Variants in SLC2A14 observed in about 807,000 individuals in gnomAD.
SLC2A14 encodes the protein solute carrier family 2, facilitated glucose transporter member 14.
In SLC2A14, 13 loss-of-function variants were observed where a neutral mutation model predicts 43.0. The observed-to-expected ratio is 0.30, with a 90% CI of 0.20 to 0.48. The LOEUF (loss-of-function observed/expected upper bound fraction) is 0.48, where lower values mean the gene tolerates loss of function less well. SLC2A14 is among the 20% of genes least tolerant of loss of function. SLC2A14 has a pLI of 0.99. For synonymous variants in SLC2A14, 190 were observed against 233.8 expected (o/e 0.81, Z 1.71); for missense variants, 428 against 620.4 (o/e 0.69, Z 3.29).
rs183179707 is a variant in SLC2A14, at chr12:7,822,449, C to T, written c.865-1124G>A. Among the ~76,000 whole-genome samples, 1,036 of 151,604 alleles carry T rather than the reference C, an allele frequency of 6.8e-3. 4 individuals are homozygous for T. The highest frequency in any genetic ancestry group is 0.02 in the Middle Eastern group (6 of 294). ...TTGGGAGGCCGAGGCGGGCAGATCACGAGGTCAGGAGATCGAGACCATCCT... is the reference window on the plus strand; with the variant it reads ...TTGGGAGGCCGAGGCGGGCAGATCATGAGGTCAGGAGATCGAGACCATCCT... On this transcript the variant is annotated intron_variant, in intron 7 of 10. Transcript: ENST00000431042.
At chr12:7,848,846 G>T (rs1054820190) in intron 2 of SLC2A14, among the ~76,000 whole-genome samples, 1 of 151,044 alleles carries the variant, frequency 6.6e-6, no homozygotes, top group Admixed American at 6.6e-5. Flanking sequence ...ATGAGCCACC[G>T]CGCCCGGCCT....
intron 2 of SLC2A14, among the ~76,000 whole-genome samples, chr12:7,864,258 C>T (rs1018986173): frequency 6.6e-6 from 1 of 152,078 alleles, no homozygotes; most frequent in Non-Finnish European, 1.5e-5. Context: ...GGGCCTTTTG[C>T]AGAGCAAAAG....
At chr12:7,864,092 A>G (rs1377482437) in intron 2 of SLC2A14, among the ~76,000 whole-genome samples, 1 of 151,984 alleles carries the variant, frequency 6.6e-6, no homozygotes, top group Non-Finnish European at 1.5e-5. Context: ...CTGGGATTAC[A>G]GGTGTCAGCC....
intron 2 of SLC2A14, among the ~76,000 whole-genome samples, chr12:7,834,331 C>A (rs1865267541): frequency 6.6e-6 from 1 of 151,956 alleles, no homozygotes; most frequent in African/African-American, 2.4e-5. Context: ...CATGCCTTAG[C>A]TCCCAAATGC....
rs1485743908 is a variant in SLC2A14, at chr12:7,833,265, G to A, written c.19-451C>T. Among the ~76,000 whole-genome samples the A allele has an allele frequency of 9.2e-5, 14 of 152,302 alleles. No individual in the cohort carries two copies. In the South Asian group the frequency reaches 2.1e-3, roughly 23 times the overall value. ...ACTCCACGGAAGCCCAGTGGTGGTGGTAGGGGGAGGTGGTAGTAGTTTGTG... is the reference window on the plus strand; with the variant it reads ...ACTCCACGGAAGCCCAGTGGTGGTGATAGGGGGAGGTGGTAGTAGTTTGTG... On this transcript the variant is annotated intron_variant, in intron 2 of 10. Transcript: ENST00000431042.
chr12:7,880,389 C>CT (rs1253017076), intron 1 of SLC2A14, among the ~76,000 whole-genome samples: 1 of 151,012 alleles, frequency 6.6e-6, no homozygotes, highest in African/African-American at 2.4e-5. Flanking sequence ...GCAGGAGAAT[C>CT]GCTTGAACCC....
At chr12:7,872,951 C>T (rs1945322398), upstream of SLC2A14, 3 of 985,470 alleles carry the variant, frequency 3.0e-6, no homozygotes, top group East Asian at 3.4e-4. Context: ...TTTGAATGGT[C>T]CGTTAATGTG....
intron 2 of SLC2A14, among the ~76,000 whole-genome samples, chr12:7,845,513 C>T (rs1866390693): frequency 6.6e-6 from 1 of 151,990 alleles, no homozygotes. Context: ...GGCGTGGTGG[C>T]TTACGCCTGT....
At chr12:7,865,440 A>G (rs1355749266) in intron 2 of SLC2A14, among the ~76,000 whole-genome samples, 1 of 151,910 alleles carries the variant, frequency 6.6e-6, no homozygotes, top group Non-Finnish European at 1.5e-5. Flanking sequence ...GGGAGGCTGA[A>G]GCAGGAGAAT....
chr12:7,875,337 A>G (rs1308495975), upstream of SLC2A14, among the ~76,000 whole-genome samples: 3 of 148,530 alleles, frequency 2.0e-5, no homozygotes, highest in Non-Finnish European at 4.5e-5. Context: ...GCAAAACCCC[A>G]TCTCTACTAA....
intron 1 of SLC2A14, among the ~76,000 whole-genome samples, chr12:7,879,316 A>AAAAAGAAAAC (rs148751409): frequency 8.2e-5 from 9 of 109,980 alleles, no homozygotes; most frequent in Admixed American, 4.2e-4. Flanking sequence ...TCTGCAAAAA[A>AAAAAGAAAAC]AAACAAACAA....
In SLC2A14 at chr12:7,872,732, G is replaced by C. The variant is rs112592516; in HGVS notation, c.-58+75C>G. 100 of 977,734 alleles carry C rather than the reference G, an allele frequency of 1.0e-4. 1 individual carries two copies. The highest frequency in any genetic ancestry group is 1.2e-4 in the Non-Finnish European group (98 of 823,140). 60.6% of individuals were successfully genotyped at this position (977,734 alleles called of 1,614,324 possible). The stretch of plus-strand genomic sequence containing the variant: ...CGAGTAGCCGCCCACCTCTACTCTA[G>C]CTCGGCCACCTCTACCCCAGCTCAG... On this transcript the variant is annotated intron_variant, in intron 1 of 10. Coordinates refer to ENST00000431042, the MANE Select transcript of SLC2A14 (RefSeq NM_001286234.2).
upstream of SLC2A14, among the ~76,000 whole-genome samples, chr12:7,874,016 C>T (rs1945364382): frequency 6.6e-6 from 1 of 152,136 alleles, no homozygotes; most frequent in African/African-American, 2.4e-5. Context: ...ATATCTCAGT[C>T]AACAATAAAC....
At position 7,827,495 on chromosome 12, in the gene SLC2A14, A is replaced by G. The variant is rs375834210; in HGVS notation, c.864T>C (p.Ala288=). The G allele has an allele frequency of 6.8e-6, 11 of 1,610,770 alleles. No homozygotes were observed. The highest frequency in any genetic ancestry group is 9.3e-6 in the Non-Finnish European group (11 of 1,179,392). ...TTTGACCCTAAAGTATCACACTCAC[A>G]GCATTGATCCCAGAGAGCTGCTGAG... ...QLSQQLSGIN[A]VFYYSTGIFK... Residue 288 remains alanine (A), a splice_region_variant and synonymous_variant, in exon 7 of 11, where the codon GCT becomes GCC. Coordinates refer to ENST00000431042, the MANE Select transcript of SLC2A14 (RefSeq NM_001286234.2).
In SLC2A14 at chr12:7,832,834, G is replaced by T; in HGVS notation, c.19-20C>A. 1 of 1,610,948 alleles carries T rather than the reference G, an allele frequency of 6.2e-7. No homozygotes were observed. The highest frequency in any genetic ancestry group is 8.5e-7 in the Non-Finnish European group (1 of 1,177,240). On this transcript the variant is annotated intron_variant, in intron 2 of 10. Coordinates refer to ENST00000431042, the MANE Select transcript of SLC2A14 (RefSeq NM_001286234.2). ...GGTGACCTGGAGAGACAGAGGACAGGGAGGAGAGAATAGTCCTTAAAACTT... is the reference window on the plus strand; with the variant it reads ...GGTGACCTGGAGAGACAGAGGACAGTGAGGAGAGAATAGTCCTTAAAACTT...
At chr12:7,873,027 A>C (rs1945327167), upstream of SLC2A14, 11 of 985,586 alleles carry the variant, frequency 1.1e-5, no homozygotes, top group South Asian at 4.7e-4. Context: ...ACCTGCGGTC[A>C]GAGCAGGGGT....
At chr12:7,878,218 G>A (rs1184973671), upstream of SLC2A14, among the ~76,000 whole-genome samples, 1 of 151,610 alleles carries the variant, frequency 6.6e-6, no homozygotes, top group Non-Finnish European at 1.5e-5. Context: ...GCCTGGCTAA[G>A]TTTTGTATTT....
Position 7,870,551 on chromosome 12 carries a change from T to C in SLC2A14, c.-57-614A>G, listed in dbSNP as rs113652307. ...TATGTTGAACACCTGTGTTATTTCCTGAGTCTATTAGGAGGAGGAGAATTA... is the reference window on the plus strand; with the variant it reads ...TATGTTGAACACCTGTGTTATTTCCCGAGTCTATTAGGAGGAGGAGAATTA... On this transcript the variant is annotated intron_variant, in intron 1 of 10. Coordinates refer to ENST00000431042, the MANE Select transcript of SLC2A14 (RefSeq NM_001286234.2). 8.2e-3 allele frequency among the ~76,000 whole-genome samples: 1,248 copies of C among 152,164 alleles called. 67 individuals carry two copies. The highest frequency in any genetic ancestry group is 0.072 in the Admixed American group (1,103 of 15,246).
Position 7,814,461 on chromosome 12 carries a change from T to G in SLC2A14, c.1349A>C (p.Lys450Thr). The G allele has an allele frequency of 6.2e-7, 1 of 1,613,580 alleles. No homozygotes were observed. Among genetic ancestry groups the G allele is most frequent in the South Asian group, 1.1e-5 (1 of 91,050 alleles). The change falls in exon 11 of 11, where the codon AAA becomes ACA. Residue 450 changes from lysine to threonine, a missense_variant. By Grantham distance (78) the Lys-to-Thr change is moderately conservative (BLOSUM62 -1). Around this residue, in one of 4 missense-constraint regions of SLC2A14, gnomAD observed 119 missense variants for 188.7 expected, o/e 0.63. Coordinates refer to ENST00000431042, the MANE Select transcript of SLC2A14 (RefSeq NM_001286234.2). ...AGTCCTGCCACGGGTCTCAGGGACT[T>G]TGAAGAAGGTAAAGGCCAAGAAGGT... The part of the protein sequence containing the change: ...LITFLAFTFF[K>T]VPETRGRTFE...
Sources: gnomAD v4.1 joint callset for allele counts (sites outside exome capture counted in the v4.1 genomes callset) on GRCh38, gnomAD v4.1.1 for gene constraint, gnomAD v4.1.1 regional missense constraint, MANE v1.5 for transcripts, NCBI Gene and HGNC (gene_info 2026-07-23, HGNC 2026-07-21) for gene names.